SHQ1: variants seen among roughly 807,000 people sequenced by gnomAD.
SHQ1 encodes the protein SHQ1, H/ACA ribonucleoprotein assembly factor, also known as protein SHQ1 homolog.
SHQ1 carries 49 observed loss-of-function variants against 53.8 expected under a neutral mutation model. The ratio of observed to expected loss-of-function variants is 0.91; its 90% CI spans 0.72 to 1.16. The LOEUF is 1.16. SHQ1 is among the 50% of genes most tolerant of loss of function. The pLI, the probability that SHQ1 is intolerant of heterozygous loss-of-function variation, is 0.00. For missense variants in SHQ1, 738 were observed against 683.1 expected (o/e 1.08, Z -0.90); for synonymous variants, 243 against 251.0 (o/e 0.97, Z 0.30).
At chr3:72,738,850 G>GGCCCC in the SHQ1 span, among the ~76,000 whole-genome samples, 41 of 152,242 alleles carry the variant, frequency 2.7e-4, no homozygotes, top group South Asian at 8.3e-4. Context: ...ACCTGCCCTG[G>GGCCCC]GCCCCGCCCC....
chr3:72,726,434 C>A, the SHQ1 span, among the ~76,000 whole-genome samples: 1 of 152,114 alleles, frequency 6.6e-6, no homozygotes, highest in Non-Finnish European at 1.5e-5. Context: ...CTCACTGCAA[C>A]CTCTGCCTCC....
the SHQ1 span, among the ~76,000 whole-genome samples, chr3:72,742,487 T>C: frequency 6.6e-6 from 1 of 152,166 alleles, no homozygotes; most frequent in African/African-American, 2.4e-5. Context: ...TATAAATTTA[T>C]GTAGTATATG....
intron 5 of SHQ1, among the ~76,000 whole-genome samples, chr3:72,829,369 T>C (rs1163672285): frequency 6.6e-6 from 1 of 152,202 alleles, no homozygotes; most frequent in East Asian, 1.9e-4. Context: ...ATAAAAATAG[T>C]GTCTACTTCC....
chr3:72,753,073 A>G, intron 10 of SHQ1: 2 of 985,374 alleles, frequency 2.0e-6, no homozygotes, highest in Non-Finnish European at 2.4e-6. Flanking sequence ...TTTGTTTCTA[A>G]AAGAACCAAC....
rs140207470 is a variant in SHQ1, at chr3:72,812,818, C to T, written c.937-24G>A. ...GTCTGTGAAGTGTCATTTTAATAAG[C>T]AGTCATTTCCACAAAATGTTACACA... is the stretch of plus-strand genomic sequence containing the variant. On this transcript the variant is annotated intron_variant, in intron 8 of 10. Coordinates refer to ENST00000325599, the MANE Select transcript of SHQ1 (RefSeq NM_018130.3). The T allele has an allele frequency of 1.4e-4, 233 of 1,612,736 alleles. 1 individual carries two copies. In the African/African-American group the frequency reaches 2.7e-3, roughly 18 times the overall value.
chr3:72,803,586 C>T (rs528314220), intron 9 of SHQ1, among the ~76,000 whole-genome samples: 111 of 152,202 alleles, frequency 7.3e-4, no homozygotes, highest in Non-Finnish European at 1.2e-3. Flanking sequence ...AAGGGCTCCC[C>T]TCCAACCTCC....
chr3:72,827,278 G>A (rs1296024351), intron 5 of SHQ1, among the ~76,000 whole-genome samples: 1 of 152,042 alleles, frequency 6.6e-6, no homozygotes, highest in Non-Finnish European at 1.5e-5. Flanking sequence ...CCATCCAATA[G>A]GTAGGTGGAC....
Position 72,799,166 on chromosome 3 carries a change from T to A in SHQ1, c.1061-6130A>T, listed in dbSNP as rs183476159. ...GACTCCATCTCTACAAAAAAAAAAA[T>A]AATAATAATTTTAAAACAATAAGTA... is the stretch of plus-strand genomic sequence containing the variant. On this transcript the variant is annotated intron_variant, in intron 9 of 10. Coordinates refer to ENST00000325599, the MANE Select transcript of SHQ1 (RefSeq NM_018130.3). 2.1e-3 allele frequency among the ~76,000 whole-genome samples: 310 copies of A among 150,624 alleles called. 1 individual carries two copies. The highest frequency in any genetic ancestry group is 7.0e-3 in the African/African-American group (286 of 40,820).
the SHQ1 span, among the ~76,000 whole-genome samples, chr3:72,736,045 CA>C: frequency 6.6e-6 from 1 of 152,062 alleles, no homozygotes; most frequent in African/African-American, 2.4e-5. Flanking sequence ...GAAAAAGTAT[CA>C]TTTCTAGTAG....
chr3:72,726,809 G>A, the SHQ1 span, among the ~76,000 whole-genome samples: 81 of 152,136 alleles, frequency 5.3e-4, 1 homozygote, highest in Non-Finnish European at 5.0e-4. Context: ...CAATTACTGC[G>A]TCGGCCCCCT....
intron 10 of SHQ1, among the ~76,000 whole-genome samples, chr3:72,765,557 A>ATATTTTTTTT (rs1491527508): frequency 5.2e-5 from 3 of 57,192 alleles, no homozygotes; most frequent in African/African-American, 2.4e-4. Context: ...ATATATATAT[A>ATATTTTTTTT]TTTTTTTTTT....
rs527689101 is a variant in SHQ1 at position 72,753,360 on chromosome 3, C to T, written c.1182-2524G>A. The T allele has an allele frequency of 4.3e-5, 42 of 985,394 alleles. No homozygotes were observed. The Admixed American group carries it at 2.3e-3, about 55-fold the overall frequency. The allele number at this position is 985,394 out of a possible 1,614,324, so 61.0% of individuals were successfully genotyped here. On this transcript the variant is annotated intron_variant, in intron 10 of 10. Coordinates refer to ENST00000325599, the MANE Select transcript of SHQ1 (RefSeq NM_018130.3). ...CTTCATTTCAGTGGAGCTGATGGTA[C>T]AATGGGAAATACCGAACAAAGATGG...
intron 10 of SHQ1, among the ~76,000 whole-genome samples, chr3:72,773,854 G>A (rs1284735420): frequency 5.9e-5 from 9 of 152,156 alleles, no homozygotes; most frequent in Admixed American, 5.2e-4. Flanking sequence ...AGTCACAACT[G>A]GTTCCCAAAT....
chr3:72,759,488 C>T lies in SHQ1; in HGVS notation c.1182-8652G>A, dbSNP rs555411903. ...GGCGGATCACTTGAGGTCAGGAGTTCGAGACCAGCCTGGCCAACATGGGGA... is the reference window on the plus strand; with the variant it reads ...GGCGGATCACTTGAGGTCAGGAGTTTGAGACCAGCCTGGCCAACATGGGGA... On this transcript the variant is annotated intron_variant, in intron 10 of 10. Coordinates refer to ENST00000325599, the MANE Select transcript of SHQ1 (RefSeq NM_018130.3). Among the ~76,000 whole-genome samples, 105 of 152,104 alleles carry T rather than the reference C, an allele frequency of 6.9e-4. 1 individual carries two copies. The highest frequency in any genetic ancestry group is 1.8e-3 in the African/African-American group (76 of 41,450).
chr3:72,834,760 GTT>G (rs1162878078), intron 4 of SHQ1, among the ~76,000 whole-genome samples: 7 of 152,182 alleles, frequency 4.6e-5, no homozygotes, highest in African/African-American at 1.4e-4. Flanking sequence ...TGCTCAAAAA[GTT>G]CTGGATCTAC....
chr3:72,804,801 G>A (rs1224628857), intron 9 of SHQ1, among the ~76,000 whole-genome samples: 1 of 152,164 alleles, frequency 6.6e-6, no homozygotes, highest in African/African-American at 2.4e-5. Context: ...GTTGCAATGA[G>A]CCATGATTAT....
chr3:72,774,887 G>A (rs1229816917), intron 10 of SHQ1, among the ~76,000 whole-genome samples: 1 of 152,210 alleles, frequency 6.6e-6, no homozygotes, highest in African/African-American at 2.4e-5. Context: ...GGCTGAGGCA[G>A]GTGGATCACC....
At chr3:72,822,985 TAAAAACAC>T (rs1707525438) in intron 6 of SHQ1, among the ~76,000 whole-genome samples, 1 of 151,732 alleles carries the variant, frequency 6.6e-6, no homozygotes, top group South Asian at 2.1e-4. Flanking sequence ...CCGTCTCTAG[TAAAAACAC>T]AAAAAATTAG....
chr3:72,730,782 ATCTC>A, the SHQ1 span, among the ~76,000 whole-genome samples: 37 of 149,088 alleles, frequency 2.5e-4, no homozygotes, highest in South Asian at 6.4e-4. Flanking sequence ...AAATGTGTCA[ATCTC>A]TCTCTCTCTC....
Sources: gnomAD v4.1 joint callset for allele counts (sites outside exome capture counted in the v4.1 genomes callset) on GRCh38, gnomAD v4.1.1 for gene constraint, MANE v1.5 for transcripts, NCBI Gene and HGNC (gene_info 2026-07-23, HGNC 2026-07-21) for gene names.